The following TMEM106C variants were observed in gnomAD, a reference collection of about 807,000 sequenced individuals.
TMEM106C encodes the protein transmembrane protein 106C.
A neutral mutation model predicts 30.8 loss-of-function variants in TMEM106C; 27 were observed. The ratio of observed to expected loss-of-function variants is 0.88; its 90% CI spans 0.65 to 1.21. The LOEUF (loss-of-function observed/expected upper bound fraction) is 1.21, where lower values mean the gene tolerates loss of function less well. Among genes scored for constraint, TMEM106C ranks in the 50% most tolerant of loss-of-function variants. The pLI is 0.00. For missense variants in TMEM106C, 288 were observed against 307.8 expected, an observed-to-expected ratio of 0.94 and a Z score of 0.48; for synonymous variants, 123 against 118.8, an observed-to-expected ratio of 1.04 and a Z score of -0.23.
intron 7 of TMEM106C, 33 bp from the exon 8 acceptor site, chr12:47,968,100 A>T: frequency 6.3e-7 from 1 of 1,574,870 alleles, no homozygotes; most frequent in Non-Finnish European, 8.7e-7. Flanking sequence ...TCCCCCAAAC[A>T]TAATTAATTC....
At chr12:47,964,824 CAA>C (rs1491494089) in intron 2 of TMEM106C, 1 of 291,710 alleles carries the variant, frequency 3.4e-6, no homozygotes, top group Non-Finnish European at 6.5e-6. Context: ...TATATCAGGT[CAA>C]GAGAGAGAGA....
At chr12:47,968,063 C>T in intron 7 of TMEM106C, 70 bp from the exon 8 acceptor site, 1 of 1,345,014 alleles carries the variant, frequency 7.4e-7, no homozygotes, top group Non-Finnish European at 1.1e-6. Flanking sequence ...CAAAAAATTT[C>T]CTGGGACATT....
At chr12:47,965,499 C>T (rs1271655237) in intron 3 of TMEM106C, 154 bp downstream of exon 3, 5 of 719,930 alleles carry the variant, frequency 6.9e-6, no homozygotes, top group African/African-American at 1.8e-5. Flanking sequence ...TATCTCTGCC[C>T]CCATCACAAT....
Position 47,968,424 on chromosome 12 carries a change from C to G in TMEM106C, c.*195C>G, listed in dbSNP as rs1226024313. 1.5e-6 allele frequency: 1 copy of G among 671,056 alleles called. No individual in the cohort carries two copies. Among genetic ancestry groups the G allele is most frequent in the Non-Finnish European group, 2.7e-6 (1 of 366,652 alleles). The allele number at this position is 671,056 out of a possible 1,614,324, so 41.6% of individuals were successfully genotyped here. A position where few individuals can be genotyped will look rare whatever the true frequency, so the allele number is the denominator to read the frequency against. ...TACCATTTATGTTTCTCAGAACCAG[C>G]AGAATCAGTGCCTAGCCTGTGCCCA... On this transcript the variant is annotated 3_prime_UTR_variant, in exon 8 of 8. Coordinates refer to ENST00000429772, the MANE Select transcript of TMEM106C (RefSeq NM_001143842.2).
intron 5 of TMEM106C, 165 bp downstream of exon 5, chr12:47,966,394 G>C: frequency 1.2e-6 from 1 of 806,910 alleles, no homozygotes. Context: ...ATAATTGTGA[G>C]AAAAAACAGC....
chr12:47,966,588 G>A lies in TMEM106C; in HGVS notation c.553-95G>A, dbSNP rs1184986953. On this transcript the variant is annotated intron_variant, in intron 5 of 7. Transcript: ENST00000429772. ...CTCAGGGAAGTATTTTGCATGTGAT[G>A]GAAGAATGACCCAAGGTCTTTGGAT... 2.2e-6 allele frequency: 3 copies of A among 1,367,770 alleles called. No individual in the cohort carries two copies. In the African/African-American group the frequency reaches 4.3e-5, roughly 20 times the overall value. 84.7% of individuals were successfully genotyped at this position (1,367,770 alleles called of 1,614,324 possible).
chr12:47,966,362 C>A, intron 5 of TMEM106C, 133 bp downstream of exon 5: 1 of 975,998 alleles, frequency 1.0e-6, no homozygotes, highest in Non-Finnish European at 1.5e-6. Context: ...TGAGGAAGAC[C>A]TGTTGGGCCC....
At chr12:47,965,679 G>C in intron 3 of TMEM106C, 159 bp from the exon 4 acceptor site, 1 of 932,634 alleles carries the variant, frequency 1.1e-6, no homozygotes, top group Middle Eastern at 3.4e-4. Context: ...AGTTTTAAAA[G>C]GTTTCTCCTG....
chr12:47,966,653 C>T (rs752728774), intron 5 of TMEM106C, 30 bp from the exon 6 acceptor site: 1 of 1,613,962 alleles, frequency 6.2e-7, no homozygotes, highest in Non-Finnish European at 8.5e-7. Context: ...CCTGCTTGGC[C>T]ACAGACCAAC....
At chr12:47,966,652 C>A (rs1256247182) in intron 5 of TMEM106C, 31 bp from the exon 6 acceptor site, 1 of 1,613,408 alleles carries the variant, frequency 6.2e-7, no homozygotes. Context: ...GCCTGCTTGG[C>A]CACAGACCAA....
At chr12:47,965,184 T>C in intron 2 of TMEM106C, 98 bp from the exon 3 acceptor site, 1 of 970,718 alleles carries the variant, frequency 1.0e-6, no homozygotes, top group Non-Finnish European at 1.6e-6. Context: ...AAATGTCTCA[T>C]TCCAGAAGAA....
At position 47,965,865 on chromosome 12, in the gene TMEM106C, G is replaced by A. The variant is rs1938201676; in HGVS notation, c.279G>A (p.Leu93=). 1.2e-6 allele frequency: 2 copies of A among 1,614,186 alleles called. No individual in the cohort carries two copies. Among genetic ancestry groups the A allele is most frequent in the Non-Finnish European group, 1.7e-6 (2 of 1,180,038 alleles). Residue 93 remains leucine (L), a synonymous_variant, in exon 4 of 8, where the codon CTG becomes CTA. Transcript: ENST00000429772. ...RTKQYVLLSI[L]LCLLASGLVV... is the part of the protein sequence containing the mutation. ...AGCAATATGTCCTCCTGTCCATCCT[G>A]CTTTGTCTCCTGGCATCTGGTTTGG...
intron 1 of TMEM106C, 142 bp from the exon 2 acceptor site, chr12:47,964,067 C>A (rs2136477668): frequency 1.5e-6 from 1 of 661,948 alleles, no homozygotes; most frequent in East Asian, 2.7e-5. Context: ...AATGAGGGTC[C>A]CGATAGAAAT....
chr12:47,964,465 A>G, intron 2 of TMEM106C, 42 bp downstream of exon 2: 1 of 1,596,730 alleles, frequency 6.3e-7, no homozygotes, highest in African/African-American at 1.3e-5. Context: ...ATCCCAAGGT[A>G]CCCTCGGAGT....
chr12:47,968,091 C>T, intron 7 of TMEM106C, 42 bp from the exon 8 acceptor site: 1 of 1,539,746 alleles, frequency 6.5e-7, no homozygotes. Context: ...CTTATTTCAT[C>T]CCCCAAACAT....
chr12:47,967,779 CTG>C (rs1345591309), intron 7 of TMEM106C, among the ~76,000 whole-genome samples: 1 of 152,122 alleles, frequency 6.6e-6, no homozygotes, highest in African/African-American at 2.4e-5. Context: ...GGGGGCTGTT[CTG>C]TGCATTATAG....
At position 47,968,328 on chromosome 12, in the gene TMEM106C, G is replaced by C. The variant is rs1366836692; in HGVS notation, c.*99G>C. ...GACCTACCCCCACGTGGTGTAAGCAGAGGAGGAATTGGTTCACTTAACTCC... is the reference window on the plus strand; with the variant it reads ...GACCTACCCCCACGTGGTGTAAGCACAGGAGGAATTGGTTCACTTAACTCC... On this transcript the variant is annotated 3_prime_UTR_variant, in exon 8 of 8. Coordinates refer to ENST00000429772, the MANE Select transcript of TMEM106C (RefSeq NM_001143842.2). 8 of 935,918 alleles carry C rather than the reference G, an allele frequency of 8.5e-6. No homozygotes were observed. In the Admixed American group the frequency reaches 1.4e-4, roughly 17 times the overall value. The allele number at this position is 935,918 out of a possible 1,614,324, so 58.0% of individuals were successfully genotyped here.
rs777815513 is a variant in TMEM106C, at chr12:47,968,187, A to T, written c.711A>T (p.Thr237=). ...TCATGACCCAGAGCTCCTTGGAGAC[A>T]CATCACTATGTGGATTGTGGAGGAA... ...IGLMTQSSLE[T]HHYVDCGGNS... The change falls in exon 8 of 8, where the codon ACA becomes ACT. Residue 237 remains threonine (T), a synonymous_variant. Coordinates refer to ENST00000429772, the MANE Select transcript of TMEM106C (RefSeq NM_001143842.2). 6.2e-7 allele frequency: 1 copy of T among 1,614,024 alleles called. No homozygotes were observed. Among genetic ancestry groups the T allele is most frequent in the Non-Finnish European group, 8.5e-7 (1 of 1,179,992 alleles).
chr12:47,967,283 C>T (rs190081329), intron 7 of TMEM106C, 22 bp downstream of exon 7: 8 of 1,613,884 alleles, frequency 5.0e-6, no homozygotes, highest in Middle Eastern at 1.6e-4. Flanking sequence ...TTCCCTATCC[C>T]GATGGCCTGT....
Sources: gnomAD v4.1 joint callset for allele counts (sites outside exome capture counted in the v4.1 genomes callset) on GRCh38, gnomAD v4.1.1 for gene constraint, MANE v1.5 for transcripts, NCBI Gene and HGNC (gene_info 2026-07-23, HGNC 2026-07-21) for gene names.